The following KIF1C variants were observed in gnomAD, a reference collection of about 807,000 sequenced individuals.
KIF1C encodes kinesin-like protein KIF1C.
Under a neutral mutation model 126.5 loss-of-function variants are expected in KIF1C, and 61 were observed. The observed-to-expected ratio is 0.48, with a 90% CI of 0.39 to 0.60. KIF1C has a LOEUF of 0.60. Ranked by LOEUF, KIF1C falls within the 20% of genes least tolerant of loss-of-function variation. The pLI is 0.00. For synonymous variants in KIF1C, 640 were observed against 580.6 expected (o/e 1.10, Z -1.47); for missense variants, 1,315 against 1,489.2 (o/e 0.88, Z 1.93).
At chr17:5,007,113 G>A in intron 14 of KIF1C, 29 bp downstream of exon 14, 2 of 1,580,718 alleles carry the variant, frequency 1.3e-6, no homozygotes, top group Non-Finnish European at 1.7e-6. Flanking sequence ...CAAGGGCTGG[G>A]GGTCTGGGCA....
At position 5,020,970 on chromosome 17, in the gene KIF1C, G is replaced by A; in HGVS notation, c.2010+92G>A. The A allele has an allele frequency of 1.7e-6, 2 of 1,146,434 alleles. No individual in the cohort carries two copies. The allele number at this position is 1,146,434 out of a possible 1,614,324, so 71.0% of individuals were successfully genotyped here. ...AGTGCTCACCGCTGAGCCAGAGTGG[G>A]AAATGGGCATGGGGGTAAGGGGAAG... is the stretch of plus-strand genomic sequence containing the variant. On this transcript the variant is annotated intron_variant, in intron 21 of 22. Transcript: ENST00000320785. The surrounding 1 kb of genome is among the most constrained non-coding windows in gnomAD (Gnocchi z 5.8).
intron 18 of KIF1C, chr17:5,019,712 CAATT>C: frequency 2.2e-6 from 1 of 451,612 alleles, no homozygotes; most frequent in Non-Finnish European, 4.2e-6. Context: ...ATCCTTTTGA[CAATT>C]ACTGGTTTTC....
At chr17:5,009,927 TTTTA>T (rs1183376977) in intron 16 of KIF1C, among the ~76,000 whole-genome samples, 2 of 152,064 alleles carry the variant, frequency 1.3e-5, no homozygotes, top group African/African-American at 4.8e-5. Context: ...TGCATATCTA[TTTTA>T]TTTATTTATT....
chr17:5,000,656 G>A (rs922491987), intron 3 of KIF1C, 116 bp from the exon 4 acceptor site: 8 of 972,130 alleles, frequency 8.2e-6, no homozygotes, highest in Non-Finnish European at 1.1e-5. Flanking sequence ...GGAGAGAAGA[G>A]TCAGGACAGT....
chr17:5,021,155 T>G (rs918184694), intron 21 of KIF1C, among the ~76,000 whole-genome samples: 6 of 149,826 alleles, frequency 4.0e-5, no homozygotes, highest in Admixed American at 2.7e-4. Flanking sequence ...TGTGTTGGTA[T>G]TAAGATTGTT....
Position 5,024,156 on chromosome 17 carries a change from C to T in KIF1C, c.*5C>T. On this transcript the variant is annotated 3_prime_UTR_variant, in exon 23 of 23. Transcript: ENST00000320785. ...GAGAGTGGGGCAGCTGTGTGAGTCC[C>T]ACATCCTGGGCAGAGGGCCTGGTGG... 6.3e-7 allele frequency: 1 copy of T among 1,599,290 alleles called. No individual in the cohort carries two copies. The highest frequency in any genetic ancestry group is 8.5e-7 in the Non-Finnish European group (1 of 1,172,984).
intron 18 of KIF1C, among the ~76,000 whole-genome samples, chr17:5,016,460 T>C (rs567933549): frequency 1.3e-5 from 2 of 151,484 alleles, no homozygotes; most frequent in Admixed American, 6.6e-5. Context: ...ACCATGTTGG[T>C]CAGGCTAGTC....
intron 18 of KIF1C, among the ~76,000 whole-genome samples, chr17:5,016,746 G>T (rs1166020093): frequency 1.3e-5 from 2 of 151,152 alleles, no homozygotes; most frequent in Non-Finnish European, 3.0e-5. Context: ...TCTACTAAAA[G>T]TACAAAAAAA....
chr17:5,003,957 G>A (rs1239323785), intron 10 of KIF1C, 41 bp downstream of exon 10: 1 of 1,610,854 alleles, frequency 6.2e-7, no homozygotes, highest in African/African-American at 1.3e-5. Context: ...TGGGAAAGGG[G>A]AGTGACCCAC....
Position 5,020,431 on chromosome 17 carries a change from T to A in KIF1C, c.1751-61T>A, listed in dbSNP as rs1395009519. The A allele has an allele frequency of 2.2e-5, 33 of 1,487,798 alleles. 1 individual carries two copies. In the Admixed American group the frequency reaches 6.4e-4, roughly 29 times the overall value. 92.2% of individuals were successfully genotyped at this position (1,487,798 alleles called of 1,614,324 possible). A position where few individuals can be genotyped will look rare whatever the true frequency, so the allele number is the denominator to read the frequency against. On this transcript the variant is annotated intron_variant, in intron 19 of 22. Coordinates refer to ENST00000320785, the MANE Select transcript of KIF1C (RefSeq NM_006612.6). The surrounding 1 kb of genome is among the most constrained non-coding windows in gnomAD (Gnocchi z 5.8). ...TGTGCCAGATTCTCTATGCCTTGGGTGTAGGGATGGATTTGGTGCTGATGG... is the reference window on the plus strand; with the variant it reads ...TGTGCCAGATTCTCTATGCCTTGGGAGTAGGGATGGATTTGGTGCTGATGG...
Position 5,020,529 on chromosome 17 carries a change from C to T in KIF1C, c.1788C>T (p.Arg596=). 1 of 1,614,118 alleles carries T rather than the reference C, an allele frequency of 6.2e-7. No homozygotes were observed. The highest frequency in any genetic ancestry group is 1.7e-4 in the Middle Eastern group (1 of 6,060). Residue 596 remains arginine (R), a synonymous_variant, in exon 20 of 23, where the codon CGC becomes CGT. Transcript: ENST00000320785. The surrounding 1 kb of genome is among the most constrained non-coding windows in gnomAD (Gnocchi z 5.8). ...TGATGGGCAAGAACCACGTTTTCCG[C>T]TTCAACCACCCGGAGCAGGCAAGGC... ...RIVMGKNHVF[R]FNHPEQARLE...
At position 5,023,314 on chromosome 17, in the gene KIF1C, C is replaced by T. The variant is rs757345051; in HGVS notation, c.2629-154C>T. On this transcript the variant is annotated intron_variant, in intron 22 of 22. Transcript: ENST00000320785. This position sits in a 1 kb window ranked among gnomAD's most constrained non-coding sequence, Gnocchi z 4.2. ...GATTACAGGCGTGAGCCACTGCGCC[C>T]GGCCCTAAACCACTATTTTTCGAGC... Among the ~76,000 whole-genome samples, 2 of 152,118 alleles carry T rather than the reference C, an allele frequency of 1.3e-5. No homozygotes were observed. The highest frequency in any genetic ancestry group is 2.9e-5 in the Non-Finnish European group (2 of 68,026).
Position 5,023,833 on chromosome 17 carries a change from G to C in KIF1C, c.2994G>C (p.Glu998Asp). 6.6e-7 allele frequency: 1 copy of C among 1,518,104 alleles called. No homozygotes were observed. Among genetic ancestry groups the C allele is most frequent in the Non-Finnish European group, 8.8e-7 (1 of 1,134,174 alleles). The allele number at this position is 1,518,104 out of a possible 1,614,324, so 94.0% of individuals were successfully genotyped here. Reference protein sequence around the residue: ...RESWPGMGSGEAPTPLQPPEE... With the variant: ...RESWPGMGSGDAPTPLQPPEE... Reference sequence around the variant, plus strand: ...CTTGGCCAGGGATGGGGAGCGGGGAGGCTCCAACTCCGCTCCAACCCCCTG... The same window carrying C: ...CTTGGCCAGGGATGGGGAGCGGGGACGCTCCAACTCCGCTCCAACCCCCTG... The change falls in exon 23 of 23, where the codon GAG (glutamate) becomes GAC (aspartate). Residue 998 changes from glutamate (E) to aspartate (D), a missense_variant. This residue lies in a region of KIF1C where 441 missense variants were observed against 436.1 expected (regional missense o/e 1.01). Coordinates refer to ENST00000320785, the MANE Select transcript of KIF1C (RefSeq NM_006612.6). This position sits in a 1 kb window ranked among gnomAD's most constrained non-coding sequence, Gnocchi z 4.2.
At position 5,007,346 on chromosome 17, in the gene KIF1C, T is replaced by C. The variant is rs549115196; in HGVS notation, c.1415+4T>C. The C allele has an allele frequency of 4.3e-6, 7 of 1,613,108 alleles. No individual in the cohort carries two copies. The Admixed American group carries it at 1.0e-4, about 23-fold the overall frequency. On this transcript the variant is annotated splice_donor_region_variant and intron_variant, in intron 15 of 22. Coordinates refer to ENST00000320785, the MANE Select transcript of KIF1C (RefSeq NM_006612.6). Reference sequence around the variant, plus strand: ...CAGAAGCCCTGAGGATGGAGAGGTGTGAGGGCCGACAGTTGGGGTCCTGGG... The same window carrying C: ...CAGAAGCCCTGAGGATGGAGAGGTGCGAGGGCCGACAGTTGGGGTCCTGGG...
At position 4,999,953 on chromosome 17, in the gene KIF1C, C is replaced by T. The variant is rs778075471; in HGVS notation, c.-45C>T. ...CCAGAACTGATACAGCCCCCCTGGT[C>T]TGGGGCCAGGACGCCAGGTAACTGG... On this transcript the variant is annotated 5_prime_UTR_variant, in exon 2 of 23. Transcript: ENST00000320785. The T allele has an allele frequency of 4.8e-6, 2 of 417,408 alleles. No homozygotes were observed. Among genetic ancestry groups the T allele is most frequent in the Non-Finnish European group, 8.9e-6 (2 of 225,412 alleles). 25.9% of individuals were successfully genotyped at this position (417,408 alleles called of 1,614,324 possible).
intron 3 of KIF1C, 131 bp from the exon 4 acceptor site, chr17:5,000,641 A>T (rs976616936): frequency 1.1e-6 from 1 of 873,804 alleles, no homozygotes; most frequent in Admixed American, 2.1e-5. Flanking sequence ...GGGGAATGTT[A>T]AAGGGGAGAG....
At chr17:5,013,233 G>C (rs958585881) in intron 16 of KIF1C, among the ~76,000 whole-genome samples, 5 of 152,162 alleles carry the variant, frequency 3.3e-5, no homozygotes, top group African/African-American at 1.2e-4. Context: ...ACATTTTGAG[G>C]AAAGAAATGA....
chr17:5,009,979 T>G (rs1337107024), intron 16 of KIF1C, among the ~76,000 whole-genome samples: 2 of 152,074 alleles, frequency 1.3e-5, no homozygotes, highest in African/African-American at 4.8e-5. Context: ...CAGGCTGGAG[T>G]GCAGTGGCAC....
Position 5,020,950 on chromosome 17 carries a change from T to C in KIF1C, c.2010+72T>C. ...GCAAGCCTGAGTCCGAGTGCAGTGC[T>C]CACCGCTGAGCCAGAGTGGGAAATG... On this transcript the variant is annotated intron_variant, in intron 21 of 22. Transcript: ENST00000320785. The surrounding 1 kb of genome is among the most constrained non-coding windows in gnomAD (Gnocchi z 5.8). The C allele has an allele frequency of 1.5e-6, 2 of 1,359,048 alleles. No individual in the cohort carries two copies. Among genetic ancestry groups the C allele is most frequent in the Non-Finnish European group, 2.1e-6 (2 of 973,054 alleles). 84.2% of individuals were successfully genotyped at this position (1,359,048 alleles called of 1,614,324 possible). A position where few individuals can be genotyped will look rare whatever the true frequency, so the allele number is the denominator to read the frequency against.
Sources: gnomAD v4.1 joint callset for allele counts (sites outside exome capture counted in the v4.1 genomes callset) on GRCh38, gnomAD v4.1.1 for gene constraint, gnomAD v4.1.1 regional missense constraint, Gnocchi (gnomAD v3.1) non-coding constraint, MANE v1.5 for transcripts, NCBI Gene and HGNC (gene_info 2026-07-23, HGNC 2026-07-21) for gene names.